The following TTC39A variants were observed in gnomAD, a reference collection of about 807,000 sequenced individuals.
TTC39A encodes the protein tetratricopeptide repeat protein 39A.
Under a neutral mutation model 82.3 loss-of-function variants are expected in TTC39A, and 46 were observed. That is an observed-to-expected ratio of 0.56 (90% CI 0.44 to 0.71). TTC39A has a LOEUF of 0.71. Ranked by LOEUF, TTC39A falls within the 30% of genes least tolerant of loss-of-function variation. The pLI, the probability that TTC39A is intolerant of heterozygous loss-of-function variation, is 0.00. For missense variants in TTC39A, 543 were observed against 712.9 expected, an observed-to-expected ratio of 0.76 and a Z score of 2.71; for synonymous variants, 254 against 275.2, an observed-to-expected ratio of 0.92 and a Z score of 0.76.
rs755369298 is a variant in TTC39A, at chr1:51,294,550, GAGC to G, written c.1146-42_1146-40del. ...GGGGAGGGTGGGAGAGGATGAAAAA[GAGC>G]AGGAGAGGGCAGAGGGTCCCCAGCC... is the stretch of plus-strand genomic sequence containing the variant. On this transcript the variant is annotated intron_variant, in intron 13 of 17. Coordinates refer to ENST00000680483, the MANE Select transcript of TTC39A (RefSeq NM_001297663.2). This position sits in a 1 kb window ranked among gnomAD's most constrained non-coding sequence, Gnocchi z 4.3. 1.2e-6 allele frequency: 2 copies of G among 1,612,370 alleles called. No individual in the cohort carries two copies. Among genetic ancestry groups the G allele is most frequent in the African/African-American group, 2.7e-5 (2 of 74,940 alleles).
At chr1:51,339,524 A>G (rs1646010837) in intron 1 of TTC39A, among the ~76,000 whole-genome samples, 1 of 152,208 alleles carries the variant, frequency 6.6e-6, no homozygotes, top group Non-Finnish European at 1.5e-5. Context: ...CCCTCCCAGA[A>G]GTGGATGTTC....
chr1:51,293,926 G>T (rs1286280824), intron 14 of TTC39A, among the ~76,000 whole-genome samples: 1 of 152,238 alleles, frequency 6.6e-6, no homozygotes, highest in African/African-American at 2.4e-5. Flanking sequence ...CTCAAATCAG[G>T]CAATAGGCAA....
chr1:51,306,552 C>A (rs1421483058), intron 6 of TTC39A, among the ~76,000 whole-genome samples: 1 of 152,174 alleles, frequency 6.6e-6, no homozygotes, highest in Non-Finnish European at 1.5e-5. Context: ...GGGGAAGTCA[C>A]CCCTAGCTGA....
intron 2 of TTC39A, 130 bp from the exon 3 acceptor site, chr1:51,313,073 G>A (rs1645145362): frequency 6.9e-6 from 9 of 1,300,388 alleles, no homozygotes; most frequent in South Asian, 1.5e-5. Flanking sequence ...GGCACGGGGA[G>A]GGCCTTGGCC....
In TTC39A at chr1:51,288,031, G is replaced by A; in HGVS notation, c.*126C>T. 7.1e-7 allele frequency: 1 copy of A among 1,403,366 alleles called. No individual in the cohort carries two copies. The highest frequency in any genetic ancestry group is 9.6e-7 in the Non-Finnish European group (1 of 1,043,172). 86.9% of individuals were successfully genotyped at this position (1,403,366 alleles called of 1,614,324 possible). A position where few individuals can be genotyped will look rare whatever the true frequency, so the allele number is the denominator to read the frequency against. ...CTTCTGCACGGATACACTATGTTGT[G>A]CCATCCAACTGGAGTGCCGGTGGAC... is the stretch of plus-strand genomic sequence containing the variant. On this transcript the variant is annotated 3_prime_UTR_variant, in exon 18 of 18. Coordinates refer to ENST00000680483, the MANE Select transcript of TTC39A (RefSeq NM_001297663.2). This position sits in a 1 kb window ranked among gnomAD's most constrained non-coding sequence, Gnocchi z 4.8.
At chr1:51,324,940 A>C (rs1421449434) in intron 1 of TTC39A, among the ~76,000 whole-genome samples, 1 of 152,090 alleles carries the variant, frequency 6.6e-6, no homozygotes, top group Non-Finnish European at 1.5e-5. Context: ...CTCTCCCATA[A>C]TTGCCAAAGA....
At position 51,294,647 on chromosome 1, in the gene TTC39A, T is replaced by G; in HGVS notation, c.1146-136A>C. The G allele has an allele frequency of 3.8e-6, 5 of 1,327,846 alleles. No homozygotes were observed. Among genetic ancestry groups the G allele is most frequent in the Non-Finnish European group, 5.1e-6 (5 of 979,144 alleles). The allele number at this position is 1,327,846 out of a possible 1,614,324, so 82.3% of individuals were successfully genotyped here. Reference sequence around the variant, plus strand: ...TCTGCACAATGACAGTGTTAGACTCTAAAGAGCCTTCTAGGTCTGAAATAG... The same window carrying G: ...TCTGCACAATGACAGTGTTAGACTCGAAAGAGCCTTCTAGGTCTGAAATAG... On this transcript the variant is annotated intron_variant, in intron 13 of 17. Transcript: ENST00000680483. This position sits in a 1 kb window ranked among gnomAD's most constrained non-coding sequence, Gnocchi z 4.3.
intron 1 of TTC39A, chr1:51,343,180 C>A: frequency 2.4e-6 from 1 of 418,780 alleles, no homozygotes; most frequent in Non-Finnish European, 5.0e-6. Flanking sequence ...CCATTATGTG[C>A]TGTGCTCTGG....
chr1:51,327,318 G>A (rs1251301915), intron 1 of TTC39A, among the ~76,000 whole-genome samples: 2 of 152,220 alleles, frequency 1.3e-5, no homozygotes, highest in Non-Finnish European at 2.9e-5. Flanking sequence ...GGCTCAACGA[G>A]TAAAATAATC....
At chr1:51,340,366 C>A (rs1221707262) in intron 1 of TTC39A, among the ~76,000 whole-genome samples, 1 of 152,130 alleles carries the variant, frequency 6.6e-6, no homozygotes, top group Non-Finnish European at 1.5e-5. Flanking sequence ...AGGGACCTTT[C>A]AGTTTTCAGA....
chr1:51,296,369 T>C (rs1644427079), intron 12 of TTC39A, among the ~76,000 whole-genome samples, 199 bp from the exon 13 acceptor site: 1 of 152,250 alleles, frequency 6.6e-6, no homozygotes, highest in Admixed American at 6.5e-5. Context: ...AGCCACCTTC[T>C]TCTCCACTTG....
intron 8 of TTC39A, among the ~76,000 whole-genome samples, chr1:51,304,242 T>C (rs577250149): frequency 2.3e-4 from 35 of 152,328 alleles, no homozygotes; most frequent in African/African-American, 8.2e-4. Context: ...CCAAATAATA[T>C]GGAGGTTTGT....
rs1645865855 is a variant in TTC39A, at chr1:51,330,377, A to C, written c.41+60T>G. The C allele has an allele frequency of 1.1e-6, 1 of 951,252 alleles. No individual in the cohort carries two copies. The highest frequency in any genetic ancestry group is 1.8e-5 in the African/African-American group (1 of 55,706). The allele number at this position is 951,252 out of a possible 1,614,324, so 58.9% of individuals were successfully genotyped here. On this transcript the variant is annotated intron_variant, in intron 1 of 17. Coordinates refer to ENST00000680483, the MANE Select transcript of TTC39A (RefSeq NM_001297663.2). This position sits in a 1 kb window ranked among gnomAD's most constrained non-coding sequence, Gnocchi z 4.5. Reference sequence around the variant, plus strand: ...GGGGAGGCCTGGCGCGGCGCCCGCCACCTGCCCGGGCCCCAGCCCGCGCCG... The same window carrying C: ...GGGGAGGCCTGGCGCGGCGCCCGCCCCCTGCCCGGGCCCCAGCCCGCGCCG...
chr1:51,303,009 G>T, intron 9 of TTC39A, 75 bp downstream of exon 9: 1 of 1,323,626 alleles, frequency 7.6e-7, no homozygotes, highest in Non-Finnish European at 1.1e-6. Context: ...CATGAACAGG[G>T]TCTGTAGCCC....
At chr1:51,322,163 G>A in intron 1 of TTC39A, 1 of 1,550,048 alleles carries the variant, frequency 6.5e-7, no homozygotes, top group South Asian at 1.2e-5. Flanking sequence ...CTGGCCCATT[G>A]GGCTCTGCTG....
rs753776885 is a variant in TTC39A at position 51,290,661 on chromosome 1, T to TC, written c.1267-37dup. Reference sequence around the variant, plus strand: ...GGGGGCAAGTCAGTCCTAGGTTTCTTCCCTAATGGGGCCTCAGTTTTCCCA... The same window carrying TC: ...GGGGGCAAGTCAGTCCTAGGTTTCTTCCCCTAATGGGGCCTCAGTTTTCCCA... On this transcript the variant is annotated intron_variant, in intron 14 of 17. Transcript: ENST00000680483. 12 of 1,567,204 alleles carry TC rather than the reference T, an allele frequency of 7.7e-6. No individual in the cohort carries two copies. The East Asian group carries it at 2.3e-4, about 30-fold the overall frequency.
At chr1:51,303,772 G>T (rs370725269) in intron 8 of TTC39A, among the ~76,000 whole-genome samples, 1 of 152,112 alleles carries the variant, frequency 6.6e-6, no homozygotes, top group African/African-American at 2.4e-5. Context: ...CCCTGCCTTC[G>T]AGATAAAGAG....
chr1:51,334,482 A>G (rs1645949926), upstream of TTC39A, among the ~76,000 whole-genome samples: 1 of 151,984 alleles, frequency 6.6e-6, no homozygotes, highest in African/African-American at 2.4e-5. Context: ...CAGCCTGGGA[A>G]ACAAGAGTGA....
chr1:51,290,197 GC>G, intron 15 of TTC39A, 78 bp from the exon 16 acceptor site: 1 of 1,372,570 alleles, frequency 7.3e-7, no homozygotes, highest in East Asian at 2.4e-5. Context: ...CCTACTTTGT[GC>G]TAGGTCAAAG....
Sources: allele counts gnomAD v4.1 joint callset (sites outside exome capture counted in the v4.1 genomes callset), GRCh38; gene constraint gnomAD v4.1.1; non-coding constraint Gnocchi (gnomAD v3.1); transcripts MANE v1.5; gene names NCBI Gene and HGNC (gene_info 2026-07-23, HGNC 2026-07-21).